The following L3MBTL1 variants were observed in gnomAD, a reference collection of about 807,000 sequenced individuals.
L3MBTL1 encodes lethal(3)malignant brain tumor-like protein 1.
In L3MBTL1, 75 loss-of-function variants were observed where a neutral mutation model predicts 105.3. The observed-to-expected ratio is 0.71, with a 90% CI of 0.59 to 0.86. L3MBTL1 has a LOEUF of 0.86. Among genes scored for constraint, L3MBTL1 ranks in the 40% least tolerant of loss-of-function variants. The pLI is 0.00. For synonymous variants in L3MBTL1, 452 were observed against 436.2 expected (o/e 1.04, Z -0.45); for missense variants, 1,069 against 1,126.4 (o/e 0.95, Z 0.73).
intron 18 of L3MBTL1, chr20:43,547,966 T>C (rs12479637): frequency 0.59 from 178,584 of 301,580 alleles, 55,432 homozygotes; most frequent in Admixed American, 0.62. Flanking sequence ...TCTCTCCCCT[T>C]CTCTCCTCCT....
At chr20:43,548,317 T>C (rs1978766428) in exon 19 of L3MBTL1, 6 of 1,232,114 alleles carry the variant, frequency 4.9e-6, no homozygotes, top group Non-Finnish European at 6.4e-6. Context: ...CTTCCTGACC[T>C]GAATTCCTCA....
At chr20:43,514,269 TG>T in intron 3 of L3MBTL1, 2 of 773,778 alleles carry the variant, frequency 2.6e-6, no homozygotes, top group Non-Finnish European at 4.0e-6. Flanking sequence ...TGGCTTGGAG[TG>T]AGGCACTCTG....
intron 7 of L3MBTL1, among the ~76,000 whole-genome samples, chr20:43,518,808 C>T (rs2018540902): frequency 1.5e-5 from 2 of 137,340 alleles, no homozygotes; most frequent in African/African-American, 5.7e-5. Flanking sequence ...GAGTTTGAGA[C>T]CACCCTGGCC....
In L3MBTL1 at chr20:43,536,050, AGC is replaced by A. The variant is rs2019594730; in HGVS notation, c.1926-45_1926-44del. On this transcript the variant is annotated intron_variant, in intron 17 of 21. Transcript: ENST00000418998. ...CTGGGACCAGGGCTGAGGAGGGCTC[AGC>A]GGGGACCAGTGGATTAAACCCAACT... 2.5e-6 allele frequency: 4 copies of A among 1,607,062 alleles called. No individual in the cohort carries two copies. The African/African-American group carries it at 5.3e-5, about 21-fold the overall frequency.
chr20:43,518,396 C>T (rs1600903434), intron 7 of L3MBTL1, among the ~76,000 whole-genome samples: 1 of 152,270 alleles, frequency 6.6e-6, no homozygotes, highest in East Asian at 1.9e-4. Flanking sequence ...ATACCTAGTG[C>T]TGACGGAGTG....
intron 7 of L3MBTL1, among the ~76,000 whole-genome samples, chr20:43,520,456 C>G (rs2145407808): frequency 6.6e-6 from 1 of 152,260 alleles, no homozygotes; most frequent in African/African-American, 2.4e-5. Context: ...CCATGTTTAG[C>G]CTTTTGAGGA....
rs2018379591 is a variant in L3MBTL1, at chr20:43,516,163, G to A, written c.848G>A (p.Ser283Asn). The A allele has an allele frequency of 1.9e-6, 3 of 1,613,706 alleles. No individual in the cohort carries two copies. Among genetic ancestry groups the A allele is most frequent in the African/African-American group, 1.3e-5 (1 of 74,926 alleles). Residue 283 changes from serine to asparagine, a missense_variant, in exon 7 of 22, where the codon AGC (serine) becomes AAC (asparagine). Ser to Asn is a conservative substitution (Grantham distance 46). Transcript: ENST00000418998. Reference protein sequence around the residue: ...TASTPESEEWSSSQPATGEKK... With the variant: ...TASTPESEEWNSSQPATGEKK... ...AGCACCCCAGAGAGTGAGGAGTGGAGCAGCAGCCAGCCTGGTACGGTGGCT... is the reference window on the plus strand; with the variant it reads ...AGCACCCCAGAGAGTGAGGAGTGGAACAGCAGCCAGCCTGGTACGGTGGCT...
At position 43,529,276 on chromosome 20, in the gene L3MBTL1, A is replaced by G. The variant is rs1370648688; in HGVS notation, c.964A>G (p.Thr322Ala). 2.5e-6 allele frequency: 4 copies of G among 1,611,158 alleles called. No individual in the cohort carries two copies. The highest frequency in any genetic ancestry group is 2.2e-5 in the East Asian group (1 of 44,872). Residue 322 changes from threonine (T) to alanine (A), a missense_variant, in exon 9 of 22, where the codon ACT becomes GCT. By Grantham distance (58) the Thr-to-Ala change is moderately conservative. Transcript: ENST00000418998. ...TGTGCGTTGACAGTCCCAGGCAGTC[A>G]CTCACAACAAGAATGGCTTCAAACT... ...VSLFQDSQAV[T>A]HNKNGFKLGM... is the part of the protein sequence containing the mutation.
Position 43,514,437 on chromosome 20 carries a change from C to G in L3MBTL1, c.361-198C>G, listed in dbSNP as rs903877498. 5.4e-6 allele frequency: 8 copies of G among 1,478,576 alleles called. No individual in the cohort carries two copies. In the Admixed American group the frequency reaches 1.6e-4, roughly 29 times the overall value. The allele number at this position is 1,478,576 out of a possible 1,614,324, so 91.6% of individuals were successfully genotyped here. ...TAGAGTGGGGCACCCTGGGACTGGA[C>G]CCCGCAGGTGCTTGGGGGCGTAGCC... On this transcript the variant is annotated intron_variant, in intron 3 of 21. Transcript: ENST00000418998.
intron 11 of L3MBTL1, 53 bp from the exon 12 acceptor site, chr20:43,532,720 G>T (rs1330987573): frequency 6.2e-7 from 1 of 1,605,250 alleles, no homozygotes; most frequent in Non-Finnish European, 8.5e-7. Flanking sequence ...TGGGCTCTGG[G>T]CTGGTCTTAG....
In L3MBTL1 at chr20:43,513,475, G is replaced by A; in HGVS notation, c.-28-1G>A. On this transcript the variant is annotated splice_acceptor_variant, in intron 1 of 21. Coordinates refer to ENST00000418998, the MANE Select transcript of L3MBTL1 (RefSeq NM_001377303.1). LOFTEE classifies it low-confidence loss of function (5UTR_SPLICE). ...CCCTGGGGGCTATGTTTGGCTTGTA[G>A]GCCTGCCAGGATGGAGGGGCATGCT... 1 of 1,548,478 alleles carries A rather than the reference G, an allele frequency of 6.5e-7. No individual in the cohort carries two copies. The highest frequency in any genetic ancestry group is 8.7e-7 in the Non-Finnish European group (1 of 1,145,664).
chr20:43,523,659 A>G (rs1375671266), intron 7 of L3MBTL1: 1 of 186,308 alleles, frequency 5.4e-6, no homozygotes, highest in East Asian at 1.2e-4. Flanking sequence ...GTACTGGTCA[A>G]CAAGATCTCC....
rs75919101 is a variant in L3MBTL1, at chr20:43,533,142, A to G, written c.1437-200A>G. ...CCATGGTTAAGATGAGCAAGCCCCT[A>G]TGATTCATGATTTTCCCTTAGATAT... is the stretch of plus-strand genomic sequence containing the variant. On this transcript the variant is annotated intron_variant, in intron 12 of 21. Transcript: ENST00000418998. 5.1e-3 allele frequency among the ~76,000 whole-genome samples: 770 copies of G among 152,124 alleles called. 7 individuals are homozygous for G. The highest frequency in any genetic ancestry group is 7.1e-3 in the Non-Finnish European group (480 of 67,988).
At position 43,515,054 on chromosome 20, in the gene L3MBTL1, C is replaced by G. The variant is rs145308329; in HGVS notation, c.548C>G (p.Pro183Arg). 1 of 1,614,132 alleles carries G rather than the reference C, an allele frequency of 6.2e-7. No individual in the cohort carries two copies. The highest frequency in any genetic ancestry group is 8.5e-7 in the Non-Finnish European group (1 of 1,179,958). The stretch of plus-strand genomic sequence containing the variant: ...CCAGAAGATCCCAATCAGGACCCCC[C>G]AGAGGATGATAGCACCTGTCAGTGC... Reference protein sequence around the residue: ...NPPEDPNQDPPEDDSTCQCQA... With the variant: ...NPPEDPNQDPREDDSTCQCQA... Residue 183 changes from proline (P) to arginine (R), a missense_variant, in exon 5 of 22, where the codon CCA (proline) becomes CGA (arginine). By Grantham distance (103) the Pro-to-Arg change is moderately radical (BLOSUM62 -2). Transcript: ENST00000418998.
At chr20:43,544,828 A>G (rs749219586), downstream of L3MBTL1, among the ~76,000 whole-genome samples, 3 of 152,024 alleles carry the variant, frequency 2.0e-5, no homozygotes, top group African/African-American at 4.8e-5. Flanking sequence ...TTAGCCAAGC[A>G]TGGTGGTGCA....
intron 7 of L3MBTL1, among the ~76,000 whole-genome samples, chr20:43,520,029 C>T (rs75535355): frequency 0.042 from 6,376 of 152,124 alleles, 181 homozygotes; most frequent in African/African-American, 0.077. Context: ...TAACCATCAC[C>T]AAAACATTTC....
At chr20:43,518,613 C>T (rs953847915) in intron 7 of L3MBTL1, among the ~76,000 whole-genome samples, 1 of 152,080 alleles carries the variant, frequency 6.6e-6, no homozygotes, top group Non-Finnish European at 1.5e-5. Context: ...GCAGGGAATA[C>T]ATTCCAAGAA....
chr20:43,516,262 G>A (rs2018386697), intron 7 of L3MBTL1, 85 bp downstream of exon 7: 2 of 935,266 alleles, frequency 2.1e-6, no homozygotes, highest in Non-Finnish European at 3.4e-6. Flanking sequence ...GGTTATGATT[G>A]TGATGGTAGG....
Position 43,535,718 on chromosome 20 carries a change from C to T in L3MBTL1, c.1826-119C>T, listed in dbSNP as rs898469864. The T allele has an allele frequency of 1.2e-5, 8 of 652,524 alleles. No homozygotes were observed. In the East Asian group the frequency reaches 1.5e-4, roughly 13 times the overall value. The allele number at this position is 652,524 out of a possible 1,614,324, so 40.4% of individuals were successfully genotyped here. A position where few individuals can be genotyped will look rare whatever the true frequency, so the allele number is the denominator to read the frequency against. On this transcript the variant is annotated intron_variant, in intron 16 of 21. Coordinates refer to ENST00000418998, the MANE Select transcript of L3MBTL1 (RefSeq NM_001377303.1). The stretch of plus-strand genomic sequence containing the variant: ...AATGGTGTCACAGCCAACGCAGGGC[C>T]CTCATCCTTGGGGAGTGGGTTTCTA...
Sources: gnomAD v4.1 joint callset for allele counts (sites outside exome capture counted in the v4.1 genomes callset) on GRCh38, gnomAD v4.1.1 for gene constraint, MANE v1.5 for transcripts, NCBI Gene and HGNC (gene_info 2026-07-23, HGNC 2026-07-21) for gene names.